The following PRLR variants were observed in gnomAD, a reference collection of about 807,000 sequenced individuals.
The protein encoded by PRLR is hPRL receptor.
A neutral mutation model predicts 40.2 loss-of-function variants in PRLR; 13 were observed. The ratio of observed to expected loss-of-function variants is 0.32; its 90% CI spans 0.21 to 0.51. PRLR has a LOEUF of 0.51. Among genes scored for constraint, PRLR ranks in the 20% least tolerant of loss-of-function variants. The pLI is 0.97. For synonymous variants in PRLR, 269 were observed against 278.7 expected (o/e 0.97, Z 0.35); for missense variants, 656 against 747.3 (o/e 0.88, Z 1.42).
intron 1 of PRLR, among the ~76,000 whole-genome samples, chr5:35,159,208 C>T (rs1479773877): frequency 6.6e-6 from 1 of 151,994 alleles, no homozygotes; most frequent in Admixed American, 6.6e-5. Flanking sequence ...TGCACTGGCT[C>T]CAGCCAAAAG....
At chr5:35,107,774 C>T (rs1165811096) in intron 2 of PRLR, among the ~76,000 whole-genome samples, 1 of 152,162 alleles carries the variant, frequency 6.6e-6, no homozygotes, top group East Asian at 1.9e-4. Flanking sequence ...CAGACGGATT[C>T]ACAGCCGAGT....
chr5:35,190,376 G>A (rs1424034398), intron 1 of PRLR, among the ~76,000 whole-genome samples: 3 of 152,116 alleles, frequency 2.0e-5, no homozygotes, highest in African/African-American at 7.2e-5. Flanking sequence ...AGGCTGATGC[G>A]AGTGGATCGC....
chr5:35,161,325 C>T lies in PRLR; in HGVS notation c.-105-43203G>A, dbSNP rs1163943938. Among the ~76,000 whole-genome samples, 2 of 152,126 alleles carry T rather than the reference C, an allele frequency of 1.3e-5. 1 individual carries two copies. The highest frequency in any genetic ancestry group is 3.9e-4 in the East Asian group (2 of 5,182). The stretch of plus-strand genomic sequence containing the variant: ...TTTAGAGCTGGTAATAACTTCATTT[C>T]AACTCTAAAAATTATTTGATCTCAC... On this transcript the variant is annotated intron_variant, in intron 1 of 9. Coordinates refer to ENST00000618457, the MANE Select transcript of PRLR (RefSeq NM_000949.7).
chr5:35,199,508 CT>C (rs1267644743), intron 1 of PRLR, among the ~76,000 whole-genome samples: 2 of 151,982 alleles, frequency 1.3e-5, no homozygotes, highest in African/African-American at 4.8e-5. Flanking sequence ...ATCAATTTAC[CT>C]TAAAGGGAGT....
chr5:35,124,264 T>C (rs1171503553), intron 1 of PRLR, among the ~76,000 whole-genome samples: 1 of 152,214 alleles, frequency 6.6e-6, no homozygotes, highest in Non-Finnish European at 1.5e-5. Flanking sequence ...AAATGGGTCA[T>C]ATTACAAGGC....
At chr5:35,208,218 G>A (rs1776075456) in intron 1 of PRLR, among the ~76,000 whole-genome samples, 1 of 151,192 alleles carries the variant, frequency 6.6e-6, no homozygotes, top group African/African-American at 2.4e-5. Flanking sequence ...ATGTTCTGGG[G>A]AAAGAGGACC....
intron 1 of PRLR, among the ~76,000 whole-genome samples, chr5:35,161,225 T>C (rs1774663929): frequency 6.6e-6 from 1 of 152,344 alleles, no homozygotes. Flanking sequence ...CCTGGCTTCA[T>C]TCCCAGTTAC....
chr5:35,170,638 C>G (rs1774972131), intron 1 of PRLR, among the ~76,000 whole-genome samples: 1 of 152,188 alleles, frequency 6.6e-6, no homozygotes, highest in Admixed American at 6.5e-5. Flanking sequence ...GCACTCTAGT[C>G]TGACTGGCAG....
chr5:35,217,008 A>C (rs2111660262), intron 1 of PRLR, among the ~76,000 whole-genome samples: 1 of 152,316 alleles, frequency 6.6e-6, no homozygotes, highest in African/African-American at 2.4e-5. Context: ...ATTCCCCTTT[A>C]GGTGACAGGT....
At chr5:35,212,976 C>T (rs2111647092) in intron 1 of PRLR, among the ~76,000 whole-genome samples, 1 of 152,288 alleles carries the variant, frequency 6.6e-6, no homozygotes, top group East Asian at 1.9e-4. Context: ...GCAAATTCAC[C>T]CACAAAGAGA....
intron 1 of PRLR, among the ~76,000 whole-genome samples, chr5:35,191,319 C>CT (rs1448288997): frequency 1.1e-5 from 1 of 87,694 alleles, no homozygotes; most frequent in Non-Finnish European, 2.6e-5. Flanking sequence ...ATCCGCCCGC[C>CT]TCGGCCTCCC....
chr5:35,131,227 A>G (rs1773659481), intron 1 of PRLR, among the ~76,000 whole-genome samples: 2 of 152,162 alleles, frequency 1.3e-5, no homozygotes, highest in Non-Finnish European at 2.9e-5. Context: ...AAAAAGTTGG[A>G]TGGTATGGGA....
At position 35,086,345 on chromosome 5, in the gene PRLR, A is replaced by G. The variant is rs778576421; in HGVS notation, c.71-5T>C. ...GTTTTCCAGGAGGTAACTGTCCTAGAAAAAGCCAGAAGCCACTGCATCAAT... is the reference window on the plus strand; with the variant it reads ...GTTTTCCAGGAGGTAACTGTCCTAGGAAAAGCCAGAAGCCACTGCATCAAT... On this transcript the variant is annotated splice_polypyrimidine_tract_variant and splice_region_variant and intron_variant, in intron 3 of 9. Coordinates refer to ENST00000618457, the MANE Select transcript of PRLR (RefSeq NM_000949.7). 1.2e-6 allele frequency: 2 copies of G among 1,612,926 alleles called. No homozygotes were observed. Among genetic ancestry groups the G allele is most frequent in the Non-Finnish European group, 1.7e-6 (2 of 1,179,592 alleles).
At chr5:35,049,709 T>G (rs1768417116) in intron 8 of PRLR, among the ~76,000 whole-genome samples, 1 of 152,148 alleles carries the variant, frequency 6.6e-6, no homozygotes, top group Non-Finnish European at 1.5e-5. Flanking sequence ...AATAAGTTCC[T>G]TTTGATGGAT....
intron 2 of PRLR, among the ~76,000 whole-genome samples, chr5:35,105,087 C>T (rs563866514): frequency 6.6e-6 from 1 of 152,338 alleles, no homozygotes; most frequent in South Asian, 2.1e-4. Context: ...GCAGCCTCTG[C>T]TGGTGATACT....
intron 1 of PRLR, among the ~76,000 whole-genome samples, chr5:35,211,466 G>C (rs1776165482): frequency 6.6e-6 from 1 of 152,146 alleles, no homozygotes; most frequent in Non-Finnish European, 1.5e-5. Flanking sequence ...ATGAAGATTT[G>C]AACTATTCTG....
At chr5:35,181,582 C>T (rs1195938669) in intron 1 of PRLR, among the ~76,000 whole-genome samples, 1 of 152,156 alleles carries the variant, frequency 6.6e-6, no homozygotes, top group Non-Finnish European at 1.5e-5. Flanking sequence ...TTTGCCATAT[C>T]CAATTTTCAT....
At chr5:35,079,413 A>G (rs1162776416) in intron 5 of PRLR, among the ~76,000 whole-genome samples, 1 of 152,212 alleles carries the variant, frequency 6.6e-6, no homozygotes, top group Admixed American at 6.5e-5. Flanking sequence ...TACACCAATA[A>G]CAGACAAACA....
exon 9 of PRLR, chr5:35,048,988 G>A (rs1056343364): frequency 1.6e-5 from 7 of 429,134 alleles, no homozygotes; most frequent in South Asian, 1.1e-4. Flanking sequence ...ACAAACACCT[G>A]CATAACAACC....
Sources: allele counts gnomAD v4.1 joint callset (sites outside exome capture counted in the v4.1 genomes callset), GRCh38; gene constraint gnomAD v4.1.1; transcripts MANE v1.5; gene names NCBI Gene and HGNC (gene_info 2026-07-23, HGNC 2026-07-21).